The following PODNL1 variants were observed in gnomAD, a reference collection of about 807,000 sequenced individuals.
PODNL1 encodes podocan like 1.
In PODNL1, 50 loss-of-function variants were observed where a neutral mutation model predicts 45.1. That is an observed-to-expected ratio of 1.11 (90% confidence interval 0.88 to 1.40). The LOEUF (loss-of-function observed/expected upper bound fraction) is 1.40, where lower values mean the gene tolerates loss of function less well. Among genes scored for constraint, PODNL1 ranks in the 40% most tolerant of loss-of-function variants. The pLI is 0.00. For synonymous variants in PODNL1, 406 were observed against 372.5 expected, an observed-to-expected ratio of 1.09 and a Z score of -1.04; for missense variants, 788 against 793.3, an observed-to-expected ratio of 0.99 and a Z score of 0.08.
chr19:13,941,084 G>A (rs1361519704), upstream of PODNL1, among the ~76,000 whole-genome samples: 2 of 151,772 alleles, frequency 1.3e-5, no homozygotes, highest in Admixed American at 6.6e-5. Flanking sequence ...GTATAGTGTC[G>A]GCCAAGGACG....
In PODNL1 at chr19:13,938,279, C is replaced by A. The variant is rs1161578110; in HGVS notation, c.-98G>T. On this transcript the variant is annotated 5_prime_UTR_variant, in exon 1 of 10. Transcript: ENST00000588872. Reference sequence around the variant, plus strand: ...CCTGGAGCCTCTGCTGTGGCCACCACCGCCCCCCATCTCCAGACCCATGCC... The same window carrying A: ...CCTGGAGCCTCTGCTGTGGCCACCAACGCCCCCCATCTCCAGACCCATGCC... 4.0e-6 allele frequency: 6 copies of A among 1,502,814 alleles called. No homozygotes were observed. The Admixed American group carries it at 6.9e-5, about 17-fold the overall frequency. 93.1% of individuals were successfully genotyped at this position (1,502,814 alleles called of 1,614,324 possible).
intron 1 of PODNL1, among the ~76,000 whole-genome samples, chr19:13,951,643 G>A (rs898682833): frequency 6.6e-6 from 1 of 152,144 alleles, no homozygotes; most frequent in South Asian, 2.1e-4. Context: ...GCGTGGTGGC[G>A]CACGCCTGTA....
intron 1 of PODNL1, chr19:13,949,392 A>G (rs2145468158): frequency 6.6e-6 from 1 of 151,780 alleles, no homozygotes; most frequent in African/African-American, 2.4e-5. Context: ...CTGTAATTTC[A>G]AACTCCTGGG....
intron 1 of PODNL1, among the ~76,000 whole-genome samples, chr19:13,952,031 T>G (rs1428528648): frequency 1.3e-5 from 2 of 152,180 alleles, no homozygotes; most frequent in Non-Finnish European, 2.9e-5. Flanking sequence ...TTTGTAAATC[T>G]CTTTCCTCGG....
At chr19:13,938,945 G>A (rs1972555256), upstream of PODNL1, among the ~76,000 whole-genome samples, 1 of 152,152 alleles carries the variant, frequency 6.6e-6, no homozygotes, top group African/African-American at 2.4e-5. Flanking sequence ...CCCCCACAGT[G>A]TTGTAAGGAT....
chr19:13,932,051 T>C lies in PODNL1; in HGVS notation c.1487A>G (p.Glu496Gly), dbSNP rs927411992. The change falls in exon 9 of 10, where the codon GAG (glutamate) becomes GGG (glycine). Residue 496 changes from glutamate (E) to glycine (G), a missense_variant. This residue lies in a region of PODNL1 where 762 missense variants were observed against 750.9 expected (regional missense o/e 1.01). Transcript: ENST00000588872. Reference sequence around the variant, plus strand: ...GCGGTTGCCCTCGAGGTGCAGCTCCTCTAGGGCCTCAGGCAGGTCCGGGGG... The same window carrying C: ...GCGGTTGCCCTCGAGGTGCAGCTCCCCTAGGGCCTCAGGCAGGTCCGGGGG... ...FVPPDLPEAL[E>G]ELHLEGNRIG... The C allele has an allele frequency of 6.5e-6, 8 of 1,232,392 alleles. No homozygotes were observed. Among genetic ancestry groups the C allele is most frequent in the African/African-American group, 1.6e-5 (1 of 64,426 alleles). 76.3% of individuals were successfully genotyped at this position (1,232,392 alleles called of 1,614,324 possible). A position where few individuals can be genotyped will look rare whatever the true frequency, so the allele number is the denominator to read the frequency against.
upstream of PODNL1, among the ~76,000 whole-genome samples, chr19:13,939,607 C>G (rs1012037639): frequency 3.3e-5 from 5 of 152,240 alleles, no homozygotes; most frequent in African/African-American, 1.2e-4. Context: ...TTAGCCTGGG[C>G]TGGGCTCCAT....
rs535885760 is a variant in PODNL1 at position 13,938,245 on chromosome 19, C to A, written c.-64G>T. The A allele has an allele frequency of 4.4e-6, 7 of 1,582,870 alleles. No homozygotes were observed. Among genetic ancestry groups the A allele is most frequent in the South Asian group, 2.3e-5 (2 of 85,402 alleles). ...CCAGGACTTCCTAATGGAAACCAGG[C>A]GGTCACCTCCTGGAGCCTCTGCTGT... On this transcript the variant is annotated 5_prime_UTR_variant, in exon 1 of 10. Transcript: ENST00000588872.
chr19:13,942,735 G>A (rs1224712481), upstream of PODNL1, among the ~76,000 whole-genome samples: 5 of 152,164 alleles, frequency 3.3e-5, no homozygotes, highest in Non-Finnish European at 7.3e-5. Flanking sequence ...TGTAATCCCA[G>A]CACTTTGGGA....
rs557913699 is a variant in PODNL1 at position 13,936,366 on chromosome 19, C to T, written c.319+1G>A. ...GAGGCCGCCTCCCTCTGCCCCCTCACCTTCGGAGGAGATGAGGTTGTTGTG... is the reference window on the plus strand; with the variant it reads ...GAGGCCGCCTCCCTCTGCCCCCTCATCTTCGGAGGAGATGAGGTTGTTGTG... On this transcript the variant is annotated splice_donor_variant, in intron 3 of 9. Coordinates refer to ENST00000588872, the MANE Select transcript of PODNL1 (RefSeq NM_001370095.3). LOFTEE classifies it high-confidence loss of function. The T allele has an allele frequency of 1.2e-6, 2 of 1,610,774 alleles. No individual in the cohort carries two copies. The highest frequency in any genetic ancestry group is 2.2e-5 in the East Asian group (1 of 44,860).
chr19:13,937,798 T>A lies in PODNL1; in HGVS notation c.212A>T (p.His71Leu), dbSNP rs2145439009. ...CGTGGGCCCCACCTGCAGGGAGAGG[T>A]GCTGAGCGGCTCTGGTGATGTTGTC... is the stretch of plus-strand genomic sequence containing the variant. The part of the protein sequence containing the change: ...FPDNITRAAQ[H>L]LSLQNNQLQE... Residue 71 changes from histidine (H) to leucine (L), a missense_variant, in exon 2 of 10, where the codon CAC (histidine) becomes CTC (leucine). Physicochemically the swap from His to Leu is moderately conservative, Grantham distance 99. Around this residue, in one of 3 missense-constraint regions of PODNL1, gnomAD observed 762 missense variants for 750.9 expected, o/e 1.01. Coordinates refer to ENST00000588872, the MANE Select transcript of PODNL1 (RefSeq NM_001370095.3). 6.3e-7 allele frequency: 1 copy of A among 1,586,036 alleles called. No individual in the cohort carries two copies. The highest frequency in any genetic ancestry group is 8.6e-7 in the Non-Finnish European group (1 of 1,167,638).
At chr19:13,936,527 C>T in intron 2 of PODNL1, 67 bp from the exon 3 acceptor site, 2 of 1,347,078 alleles carry the variant, frequency 1.5e-6, no homozygotes, top group Non-Finnish European at 2.1e-6. Context: ...AGCACTGATT[C>T]TCAACTTCCC....
upstream of PODNL1, among the ~76,000 whole-genome samples, chr19:13,938,629 C>T (rs1166691570): frequency 1.3e-5 from 2 of 152,076 alleles, no homozygotes; most frequent in Non-Finnish European, 2.9e-5. Flanking sequence ...CGGGCAGCAG[C>T]GAGGGATTAG....
upstream of PODNL1, chr19:13,940,066 G>A (rs1972598584): frequency 6.6e-6 from 1 of 151,950 alleles, no homozygotes; most frequent in African/African-American, 2.4e-5. Flanking sequence ...AAAAAGTGGG[G>A]GGATGACAAA....
intron 1 of PODNL1, among the ~76,000 whole-genome samples, chr19:13,950,460 G>T (rs1335523215): frequency 1.3e-5 from 2 of 152,120 alleles, no homozygotes; most frequent in Non-Finnish European, 2.9e-5. Flanking sequence ...ATGAGCCACC[G>T]CACCTGGCCT....
At chr19:13,940,751 GCAT>G (rs1972631872), upstream of PODNL1, among the ~76,000 whole-genome samples, 1 of 152,058 alleles carries the variant, frequency 6.6e-6, no homozygotes. Context: ...GGGTGTGGTG[GCAT>G]GTGCCTGTAA....
At chr19:13,953,090 G>C (rs750691439) in intron 1 of PODNL1, 1 of 1,550,482 alleles carries the variant, frequency 6.4e-7, no homozygotes, top group Non-Finnish European at 8.7e-7. Context: ...CCCAAGCCCC[G>C]ACCACACATG....
chr19:13,935,717 C>G lies in PODNL1; in HGVS notation c.494+4G>C. On this transcript the variant is annotated splice_donor_region_variant and intron_variant, in intron 5 of 9. Transcript: ENST00000588872. The stretch of plus-strand genomic sequence containing the variant: ...CTGGGGGCCTGGGCTGGGCCAGGGT[C>G]TACCTGAGTGCCGGCTTCTCCCCAA... 6.4e-7 allele frequency: 1 copy of G among 1,552,642 alleles called. No homozygotes were observed. The highest frequency in any genetic ancestry group is 1.2e-5 in the South Asian group (1 of 81,186).
At chr19:13,938,572 G>T (rs1298375619), upstream of PODNL1, 3 of 670,226 alleles carry the variant, frequency 4.5e-6, no homozygotes, top group Non-Finnish European at 5.7e-6. Flanking sequence ...TGGGGATGGA[G>T]GGATGGGGGG....
Sources: allele counts gnomAD v4.1 joint callset (sites outside exome capture counted in the v4.1 genomes callset), GRCh38; gene constraint gnomAD v4.1.1; regional missense constraint gnomAD v4.1.1; transcripts MANE v1.5; gene names NCBI Gene and HGNC (gene_info 2026-07-23, HGNC 2026-07-21).